ATP6V1G3: variants seen among roughly 807,000 people sequenced by gnomAD.
The protein encoded by ATP6V1G3 is ATPase H+ transporting V1 subunit G3, also known as V-type proton ATPase subunit G 3.
In ATP6V1G3, 9 loss-of-function variants were observed where a neutral mutation model predicts 9.3. The ratio of observed to expected loss-of-function variants is 0.97; its 90% confidence interval spans 0.59 to 1.69. The LOEUF (loss-of-function observed/expected upper bound fraction) is 1.69. ATP6V1G3 is among the 40% of genes most tolerant of loss of function. The probability of loss-of-function intolerance (pLI) is 0.00; values close to 1 mark genes in which losing one functional copy is unlikely to be tolerated. For synonymous variants in ATP6V1G3, 43 were observed against 43.8 expected (o/e 0.98, Z 0.07); for missense variants, 133 against 139.0 (o/e 0.96, Z 0.22).
At chr1:198,532,857 A>G (rs1364961695) in intron 1 of ATP6V1G3, among the ~76,000 whole-genome samples, 1 of 152,194 alleles carries the variant, frequency 6.6e-6, no homozygotes, top group Admixed American at 6.5e-5. Context: ...AGAACAGGAT[A>G]TTCAATCATG....
intron 2 of ATP6V1G3, among the ~76,000 whole-genome samples, chr1:198,526,581 C>T (rs1451235498): frequency 6.6e-6 from 1 of 152,144 alleles, no homozygotes; most frequent in African/African-American, 2.4e-5. Context: ...TGATGTATAG[C>T]TTTACAGCAT....
At chr1:198,527,987 G>A (rs1659727802) in intron 2 of ATP6V1G3, among the ~76,000 whole-genome samples, 1 of 152,054 alleles carries the variant, frequency 6.6e-6, no homozygotes, top group Non-Finnish European at 1.5e-5. Flanking sequence ...ACATGTGAAG[G>A]CCTCATGGTA....
chr1:198,526,292 A>T (rs1029267237), intron 2 of ATP6V1G3, among the ~76,000 whole-genome samples: 1 of 152,162 alleles, frequency 6.6e-6, no homozygotes, highest in Non-Finnish European at 1.5e-5. Context: ...GACAAGAATC[A>T]TGTTCCTTGA....
intron 1 of ATP6V1G3, among the ~76,000 whole-genome samples, chr1:198,530,115 C>T (rs1659838307): frequency 6.6e-6 from 1 of 152,130 alleles, no homozygotes; most frequent in Non-Finnish European, 1.5e-5. Context: ...TTCTGAACTA[C>T]ATTAAAATTC....
At chr1:198,528,058 T>C (rs1442298354) in intron 2 of ATP6V1G3, among the ~76,000 whole-genome samples, 3 of 152,038 alleles carry the variant, frequency 2.0e-5, no homozygotes, top group African/African-American at 7.2e-5. Flanking sequence ...ACAGAACTAA[T>C]AGAGACTAGG....
intron 1 of ATP6V1G3, chr1:198,536,686 A>G: frequency 6.2e-7 from 1 of 1,603,172 alleles, no homozygotes; most frequent in Non-Finnish European, 8.5e-7. Flanking sequence ...TACCAGAAGC[A>G]GTCCCAGTCT....
At chr1:198,529,603 G>A (rs1018736065) in intron 1 of ATP6V1G3, among the ~76,000 whole-genome samples, 4 of 152,004 alleles carry the variant, frequency 2.6e-5, no homozygotes, top group African/African-American at 9.7e-5. Flanking sequence ...GAATCCTTCA[G>A]TCCACACCAA....
At chr1:198,525,648 T>C (rs1261378963) in intron 2 of ATP6V1G3, among the ~76,000 whole-genome samples, 2 of 152,298 alleles carry the variant, frequency 1.3e-5, no homozygotes, top group East Asian at 1.9e-4. Flanking sequence ...ATAATATTCA[T>C]ATTTTAACAT....
chr1:198,540,439 T>G lies in ATP6V1G3; in HGVS notation c.82+130A>C. On this transcript the variant is annotated intron_variant, in intron 1 of 2. Transcript: ENST00000367382. ...TGGCTGGGTAATTTTAATGAATGGG[T>G]GAAGGTCTCACAGGGAGTACAGTAA... 3 of 828,274 alleles carry G rather than the reference T, an allele frequency of 3.6e-6. No individual in the cohort carries two copies. In the East Asian group the frequency reaches 7.5e-5, roughly 21 times the overall value. 51.3% of individuals were successfully genotyped at this position (828,274 alleles called of 1,614,324 possible).
At chr1:198,540,690 G>T (rs894583700), upstream of ATP6V1G3, 1 of 1,533,976 alleles carries the variant, frequency 6.5e-7, no homozygotes, top group Non-Finnish European at 9.0e-7. Context: ...TGAAATCTGG[G>T]AAGTAATGGG....
intron 2 of ATP6V1G3, among the ~76,000 whole-genome samples, 200 bp downstream of exon 2, chr1:198,528,881 G>A (rs1293207485): frequency 6.6e-6 from 1 of 151,300 alleles, no homozygotes; most frequent in African/African-American, 2.4e-5. Context: ...CCCTTTATGT[G>A]AGAAATTAAA....
chr1:198,523,502 T>C lies in ATP6V1G3; in HGVS notation c.246A>G (p.Gln82=). 1 of 1,613,702 alleles carries C rather than the reference T, an allele frequency of 6.2e-7. No individual in the cohort carries two copies. Among genetic ancestry groups the C allele is most frequent in the Non-Finnish European group, 8.5e-7 (1 of 1,179,752 alleles). ...EIEEQTLGKI[Q]ELNGHYNKYM... ...ACTTATTGTAGTGTCCATTAAGTTCTTGTATCTTCCCTAGTGTTTGTTCTT... is the reference window on the plus strand; with the variant it reads ...ACTTATTGTAGTGTCCATTAAGTTCCTGTATCTTCCCTAGTGTTTGTTCTT... Residue 82 remains glutamine (Q), a synonymous_variant, in exon 3 of 3, where the codon CAA becomes CAG. Coordinates refer to ENST00000367382, the MANE Select transcript of ATP6V1G3 (RefSeq NM_001376861.1).
At chr1:198,529,004 A>G (rs972721220) in intron 2 of ATP6V1G3, 77 bp downstream of exon 2, 11 of 608,102 alleles carry the variant, frequency 1.8e-5, no homozygotes, top group African/African-American at 1.8e-4. Context: ...TTTTCTGTCA[A>G]TATCCTATAT....
intron 2 of ATP6V1G3, among the ~76,000 whole-genome samples, chr1:198,524,974 C>T (rs73077366): frequency 0.014 from 2,180 of 152,252 alleles, 69 homozygotes; most frequent in African/African-American, 0.049. Context: ...GCCACTGAGG[C>T]GCTTGGGTTC....
intron 1 of ATP6V1G3, among the ~76,000 whole-genome samples, chr1:198,532,717 G>C (rs532241814): frequency 6.6e-5 from 10 of 152,130 alleles, no homozygotes; most frequent in Non-Finnish European, 1.0e-4. Flanking sequence ...GATATCTGAA[G>C]GGGGAGAGTC....
intron 2 of ATP6V1G3, among the ~76,000 whole-genome samples, chr1:198,527,403 C>T (rs1659699416): frequency 6.6e-6 from 1 of 151,968 alleles, no homozygotes; most frequent in Non-Finnish European, 1.5e-5. Flanking sequence ...AACAAATAAC[C>T]TGAACAAGAT....
At chr1:198,535,102 T>C (rs1571719408) in intron 1 of ATP6V1G3, among the ~76,000 whole-genome samples, 1 of 152,174 alleles carries the variant, frequency 6.6e-6, no homozygotes, top group Non-Finnish European at 1.5e-5. Context: ...GGACTGAATA[T>C]AACCAAATGC....
At chr1:198,533,726 C>A (rs1407153150) in intron 1 of ATP6V1G3, among the ~76,000 whole-genome samples, 1 of 152,128 alleles carries the variant, frequency 6.6e-6, no homozygotes, top group Non-Finnish European at 1.5e-5. Flanking sequence ...CAGATGAGAG[C>A]ACCTCAGAAG....
chr1:198,538,905 AAG>A (rs1553275391), intron 1 of ATP6V1G3, among the ~76,000 whole-genome samples: 19 of 149,832 alleles, frequency 1.3e-4, no homozygotes, highest in African/African-American at 4.1e-4. Flanking sequence ...AAAAAAAAAA[AAG>A]AAGAAGAAGA....
Sources: gnomAD v4.1 joint callset for allele counts (sites outside exome capture counted in the v4.1 genomes callset) on GRCh38, gnomAD v4.1.1 for gene constraint, MANE v1.5 for transcripts, NCBI Gene and HGNC (gene_info 2026-07-23, HGNC 2026-07-21) for gene names.